The following IKZF1 variants were observed in gnomAD, a reference collection of about 807,000 sequenced individuals.
IKZF1 encodes the protein DNA-binding protein Ikaros.
In IKZF1, 10 loss-of-function variants were observed where a neutral mutation model predicts 51.7. That is an observed-to-expected ratio of 0.19 (90% CI 0.12 to 0.33). The LOEUF is 0.33. Among genes scored for constraint, IKZF1 ranks in the 10% least tolerant of loss-of-function variants. The probability of loss-of-function intolerance (pLI) is 1.00; values close to 1 mark genes in which losing one functional copy is unlikely to be tolerated. For synonymous variants in IKZF1, 280 were observed against 282.3 expected, an observed-to-expected ratio of 0.99 and a Z score of 0.08; for missense variants, 484 against 707.5, an observed-to-expected ratio of 0.68 and a Z score of 3.58.
At position 50,382,569 on chromosome 7, in the gene IKZF1, G is replaced by A. The variant is rs2153477443; in HGVS notation, c.451G>A (p.Gly151Arg). The change falls in exon 5 of 8, where the codon GGG becomes AGG. Residue 151 changes from glycine to arginine, a missense_variant. Physicochemically the swap from Gly to Arg is moderately radical, Grantham distance 125. Coordinates refer to ENST00000331340, the MANE Select transcript of IKZF1 (RefSeq NM_006060.6). ...ACGGCCCTTCCAGTGCAATCAGTGC[G>A]GGGCCTCATTCACCCAGAAGGGCAA... The part of the protein sequence containing the change: ...GERPFQCNQC[G>R]ASFTQKGNLL... 1 of 1,613,806 alleles carries A rather than the reference G, an allele frequency of 6.2e-7. No individual in the cohort carries two copies. Among genetic ancestry groups the A allele is most frequent in the Non-Finnish European group, 8.5e-7 (1 of 1,179,858 alleles).
At chr7:50,330,963 T>G (rs2153394253) in intron 3 of IKZF1, among the ~76,000 whole-genome samples, 1 of 152,220 alleles carries the variant, frequency 6.6e-6, no homozygotes, top group African/African-American at 2.4e-5. Flanking sequence ...GCCTGGAGCT[T>G]CTGGCAAGGC....
intron 7 of IKZF1, chr7:50,393,978 A>G (rs964400396): frequency 8.6e-6 from 2 of 232,474 alleles, no homozygotes; most frequent in African/African-American, 4.4e-5. Context: ...ACTTGAAACC[A>G]AAGGAGAGAT....
chr7:50,372,276 C>G (rs1808915956), intron 3 of IKZF1, among the ~76,000 whole-genome samples: 1 of 152,224 alleles, frequency 6.6e-6, no homozygotes, highest in African/African-American at 2.4e-5. Flanking sequence ...AGCTTAACCC[C>G]ATTTACGGGA....
chr7:50,342,834 A>C (rs1225419986), intron 3 of IKZF1, among the ~76,000 whole-genome samples: 1 of 152,198 alleles, frequency 6.6e-6, no homozygotes, highest in Non-Finnish European at 1.5e-5. Context: ...TCCTGCTGCT[A>C]ACCGCTGCTC....
chr7:50,318,924 A>C, intron 1 of IKZF1, 124 bp from the exon 2 acceptor site: 33 of 589,164 alleles, frequency 5.6e-5, no homozygotes, highest in East Asian at 8.2e-5. Flanking sequence ...GTGAGGAGGA[A>C]AATGCATTAT....
chr7:50,375,859 G>C (rs1006672060), intron 3 of IKZF1, among the ~76,000 whole-genome samples: 4 of 152,160 alleles, frequency 2.6e-5, no homozygotes, highest in African/African-American at 9.7e-5. Context: ...TTAGAACACA[G>C]GGTTTGTTTT....
chr7:50,319,377 A>G (rs1264710179), intron 2 of IKZF1, among the ~76,000 whole-genome samples: 1 of 152,232 alleles, frequency 6.6e-6, no homozygotes, highest in Non-Finnish European at 1.5e-5. Flanking sequence ...GTTGGAAGGA[A>G]AAATGGCTGA....
intron 3 of IKZF1, among the ~76,000 whole-genome samples, chr7:50,365,070 T>A (rs1282142062): frequency 6.6e-6 from 1 of 152,202 alleles, no homozygotes; most frequent in African/African-American, 2.4e-5. Context: ...CTTACACATC[T>A]TCCAGTGCCT....
intron 3 of IKZF1, among the ~76,000 whole-genome samples, chr7:50,355,413 G>T (rs960781682): frequency 6.6e-6 from 1 of 152,192 alleles, no homozygotes; most frequent in East Asian, 1.9e-4. Context: ...GCCAACGCCC[G>T]CCTTGAGGCC....
At chr7:50,340,076 G>A (rs1798718640) in intron 3 of IKZF1, among the ~76,000 whole-genome samples, 1 of 152,164 alleles carries the variant, frequency 6.6e-6, no homozygotes, top group South Asian at 2.1e-4. Flanking sequence ...TGCCTGCAGG[G>A]GTGGCTTCTT....
In IKZF1 at chr7:50,403,088, T is replaced by C. The variant is rs1471576628; in HGVS notation, c.*2461T>C. The C allele has an allele frequency of 8.9e-6, 2 of 223,604 alleles. No homozygotes were observed. Among genetic ancestry groups the C allele is most frequent in the Non-Finnish European group, 1.8e-5 (2 of 112,052 alleles). The allele number at this position is 223,604 out of a possible 1,614,324, so 13.9% of individuals were successfully genotyped here. On this transcript the variant is annotated 3_prime_UTR_variant, in exon 8 of 8. Coordinates refer to ENST00000331340, the MANE Select transcript of IKZF1 (RefSeq NM_006060.6). ...AATAGTGATTGCAGGAATTCTTTTC[T>C]AAACTGCTTTGCCCTTTCCTCTCAC...
In IKZF1 at chr7:50,334,087, C is replaced by T. The variant is rs1032539507; in HGVS notation, c.160+6330C>T. ...ATTTTAATTTACAGTCTTCCAGATT[C>T]GTTTTGGGTAGGATTTTTATGTCTG... On this transcript the variant is annotated intron_variant, in intron 3 of 7. Transcript: ENST00000331340. 7.0e-4 allele frequency among the ~76,000 whole-genome samples: 107 copies of T among 152,308 alleles called. 1 individual carries two copies. The highest frequency in any genetic ancestry group is 6.8e-3 in the Middle Eastern group (2 of 294).
intron 2 of IKZF1, among the ~76,000 whole-genome samples, chr7:50,324,327 C>G (rs1406599750): frequency 2.6e-5 from 4 of 152,170 alleles, no homozygotes; most frequent in African/African-American, 9.7e-5. Flanking sequence ...ATCAGACAAC[C>G]TCTTAAGAAC....
chr7:50,304,491 G>C (rs1026926238), upstream of IKZF1: 1 of 150,242 alleles, frequency 6.7e-6, no homozygotes. Context: ...TGGTGGCAAC[G>C]CAAGGGCGCG....
chr7:50,377,600 C>T (rs1263807628), intron 4 of IKZF1, among the ~76,000 whole-genome samples: 2 of 152,202 alleles, frequency 1.3e-5, no homozygotes, highest in South Asian at 2.1e-4. Flanking sequence ...TAGCCGGTCA[C>T]GTTGATGGAA....
chr7:50,314,090 G>T (rs1192722769), intron 1 of IKZF1, among the ~76,000 whole-genome samples: 1 of 152,194 alleles, frequency 6.6e-6, no homozygotes, highest in African/African-American at 2.4e-5. Context: ...TAAGGCAGTT[G>T]TTTAAGTCTC....
intron 3 of IKZF1, among the ~76,000 whole-genome samples, chr7:50,366,197 C>T (rs1257331538): frequency 1.3e-5 from 2 of 152,014 alleles, no homozygotes; most frequent in Non-Finnish European, 2.9e-5. Flanking sequence ...TATAACAAAC[C>T]CCCATGACAT....
rs1046266047 is a variant in IKZF1, at chr7:50,376,471, T to A, written c.161-62T>A. ...ATTTGATTGTCTTTTTGCTGCTGTG[T>A]TGTTTTGTTGAGTTTTTTTTTTGCA... On this transcript the variant is annotated intron_variant, in intron 3 of 7. Transcript: ENST00000331340. The surrounding 1 kb of genome is among the most constrained non-coding windows in gnomAD (Gnocchi z 4.5). The A allele has an allele frequency of 6.9e-6, 11 of 1,587,160 alleles. No homozygotes were observed. Among genetic ancestry groups the A allele is most frequent in the African/African-American group, 4.1e-5 (3 of 73,412 alleles).
At chr7:50,360,284 G>A (rs6592965) in intron 3 of IKZF1, among the ~76,000 whole-genome samples, 71,067 of 151,708 alleles carry the variant, frequency 0.47, 17,085 homozygotes, top group Admixed American at 0.57. Flanking sequence ...GGGATGAGAG[G>A]GAATGGCCGT....
Sources: gnomAD v4.1 joint callset for allele counts (sites outside exome capture counted in the v4.1 genomes callset) on GRCh38, gnomAD v4.1.1 for gene constraint, Gnocchi (gnomAD v3.1) non-coding constraint, MANE v1.5 for transcripts, NCBI Gene and HGNC (gene_info 2026-07-23, HGNC 2026-07-21) for gene names.